Variants in KPNA5 observed in about 807,000 individuals in gnomAD.
The protein encoded by KPNA5 is karyopherin subunit alpha 5, also known as importin subunit alpha-6.
A neutral mutation model predicts 71.3 loss-of-function variants in KPNA5; 46 were observed. The observed-to-expected ratio is 0.65, with a 90% confidence interval of 0.51 to 0.83. The LOEUF (loss-of-function observed/expected upper bound fraction) is 0.83. Among genes scored for constraint, KPNA5 ranks in the 40% least tolerant of loss-of-function variants. The pLI, the probability that KPNA5 is intolerant of heterozygous loss-of-function variation, is 0.00. For missense variants in KPNA5, 547 were observed against 628.3 expected, an observed-to-expected ratio of 0.87 and a Z score of 1.38; for synonymous variants, 207 against 201.4, an observed-to-expected ratio of 1.03 and a Z score of -0.24.
At chr6:116,703,469 G>T (rs927496997) in intron 6 of KPNA5, among the ~76,000 whole-genome samples, 1 of 151,838 alleles carries the variant, frequency 6.6e-6, no homozygotes, top group African/African-American at 2.4e-5. Context: ...CACCATGTTG[G>T]CCAGGCTGGT....
intron 1 of KPNA5, chr6:116,681,594 C>T (rs1466217106): frequency 8.6e-6 from 10 of 1,160,348 alleles, no homozygotes; most frequent in Non-Finnish European, 1.1e-5. Flanking sequence ...GAGTGATGGG[C>T]AGCTGGTCTC....
chr6:116,719,904 C>G (rs1030475785), intron 8 of KPNA5, among the ~76,000 whole-genome samples: 1 of 152,012 alleles, frequency 6.6e-6, no homozygotes, highest in African/African-American at 2.4e-5. Flanking sequence ...TGGGAAAGAG[C>G]TAGAGGTTTT....
At position 116,737,275 on chromosome 6, in the gene KPNA5, T is replaced by G. The variant is rs1779707216; in HGVS notation, c.*4952T>G. On this transcript the variant is annotated 3_prime_UTR_variant, in exon 14 of 14. Transcript: ENST00000368564. ...GGATTTTCACTTTGGCTAGTGGAAC[T>G]TAAACTGTTCCTGATCATTGTGGGC... 6.6e-6 allele frequency: 1 copy of G among 152,022 alleles called. No individual in the cohort carries two copies. The highest frequency in any genetic ancestry group is 1.5e-5 in the Non-Finnish European group (1 of 67,968). 9.4% of individuals were successfully genotyped at this position (152,022 alleles called of 1,614,324 possible). A position where few individuals can be genotyped will look rare whatever the true frequency, so the allele number is the denominator to read the frequency against.
chr6:116,682,314 G>A (rs1224554939), intron 1 of KPNA5, among the ~76,000 whole-genome samples: 2 of 152,074 alleles, frequency 1.3e-5, no homozygotes, highest in Non-Finnish European at 2.9e-5. Flanking sequence ...GCGACAGAGC[G>A]AGACTCTGTC....
At chr6:116,684,155 G>A (rs72959990) in intron 1 of KPNA5, among the ~76,000 whole-genome samples, 28,003 of 151,394 alleles carry the variant, frequency 0.18, 2,754 homozygotes, top group East Asian at 0.29. Context: ...TCAAGCGATC[G>A]ACTCTCCTTG....
At chr6:116,704,952 AC>A (rs1778381501) in intron 6 of KPNA5, 119 bp from the exon 7 acceptor site, 6 of 619,214 alleles carry the variant, frequency 9.7e-6, no homozygotes, top group Non-Finnish European at 1.6e-5. Flanking sequence ...TTTCTTTTCT[AC>A]TGTTTTTTTT....
At position 116,702,034 on chromosome 6, in the gene KPNA5, G is replaced by T. The variant is rs761313546; in HGVS notation, c.451G>T (p.Ala151Ser). Residue 151 changes from alanine (A) to serine (S), a missense_variant, in exon 6 of 14, where the codon GCA (alanine) becomes TCA (serine). By Grantham distance (99) the Ala-to-Ser change is moderately conservative (BLOSUM62 1). Coordinates refer to ENST00000368564, the MANE Select transcript of KPNA5 (RefSeq NM_001366306.2). ...TTCTTCTTAGTTTGAAGCTGCATGGGCATTAACAAATATAGCATCTGGAAC... is the reference window on the plus strand; with the variant it reads ...TTCTTCTTAGTTTGAAGCTGCATGGTCATTAACAAATATAGCATCTGGAAC... ...NCTLQFEAAW[A>S]LTNIASGTFL... The T allele has an allele frequency of 1.2e-6, 2 of 1,611,838 alleles. No homozygotes were observed. The highest frequency in any genetic ancestry group is 1.7e-6 in the Non-Finnish European group (2 of 1,179,290).
chr6:116,693,240 G>T, intron 4 of KPNA5, among the ~76,000 whole-genome samples: 1 of 152,020 alleles, frequency 6.6e-6, no homozygotes, highest in Non-Finnish European at 1.5e-5. Flanking sequence ...TAATCCTTTG[G>T]GTATATACCC....
chr6:116,689,528 G>A, intron 2 of KPNA5, 75 bp downstream of exon 2: 2 of 1,255,016 alleles, frequency 1.6e-6, no homozygotes, highest in South Asian at 3.4e-5. Context: ...ATTTTAAATG[G>A]AAATGTTTTA....
chr6:116,707,150 C>T (rs1255510804), intron 7 of KPNA5, among the ~76,000 whole-genome samples: 1 of 150,268 alleles, frequency 6.7e-6, no homozygotes, highest in Non-Finnish European at 1.5e-5. Flanking sequence ...GGTGACAGAG[C>T]GAGAGACTGT....
At chr6:116,695,724 T>C (rs1203999863) in intron 4 of KPNA5, among the ~76,000 whole-genome samples, 3 of 152,228 alleles carry the variant, frequency 2.0e-5, no homozygotes, top group African/African-American at 4.8e-5. Flanking sequence ...GAATGGCTTC[T>C]TTCTTCCTCA....
At chr6:116,685,883 A>G in intron 1 of KPNA5, among the ~76,000 whole-genome samples, 1 of 152,124 alleles carries the variant, frequency 6.6e-6, no homozygotes, top group East Asian at 1.9e-4. Flanking sequence ...ACAGTGATTG[A>G]ACTAATTTAC....
Position 116,692,350 on chromosome 6 carries a change from C to G in KPNA5, c.298C>G (p.Gln100Glu). 1.9e-6 allele frequency: 3 copies of G among 1,605,294 alleles called. No homozygotes were observed. The highest frequency in any genetic ancestry group is 2.5e-6 in the Non-Finnish European group (3 of 1,177,316). Residue 100 changes from glutamine (Q) to glutamate (E), a missense_variant, in exon 4 of 14, where the codon CAG becomes GAG. Gln to Glu is a conservative substitution (Grantham distance 29). Coordinates refer to ENST00000368564, the MANE Select transcript of KPNA5 (RefSeq NM_001366306.2). ...QMIFSNNADQ[Q>E]LTATQKFRKL... ...GATTTTTTCTAATAATGCTGATCAA[C>G]AGCTAACAGCAACACAGAAATTTAG...
intron 12 of KPNA5, among the ~76,000 whole-genome samples, chr6:116,728,848 A>C (rs1779373734): frequency 6.6e-6 from 1 of 152,062 alleles, no homozygotes; most frequent in Admixed American, 6.6e-5. Flanking sequence ...TATGTTTTTA[A>C]CCTTTGTACT....
rs1238775687 is a variant in KPNA5 at position 116,733,202 on chromosome 6, CT to C, written c.*880del. 6.6e-6 allele frequency: 1 copy of C among 151,636 alleles called. No homozygotes were observed. The highest frequency in any genetic ancestry group is 2.4e-5 in the African/African-American group (1 of 41,376). The allele number at this position is 151,636 out of a possible 1,614,324, so 9.4% of individuals were successfully genotyped here. A position where few individuals can be genotyped will look rare whatever the true frequency, so the allele number is the denominator to read the frequency against. On this transcript the variant is annotated 3_prime_UTR_variant, in exon 14 of 14. Transcript: ENST00000368564. ...TAGTGCTGCATATCTAAAATAATAACTAATTATTTCTCTGATTTTTCAGAGC... is the reference window on the plus strand; with the variant it reads ...TAGTGCTGCATATCTAAAATAATAACAATTATTTCTCTGATTTTTCAGAGC...
chr6:116,709,735 G>T (rs1335781281), intron 7 of KPNA5, among the ~76,000 whole-genome samples: 5 of 151,418 alleles, frequency 3.3e-5, no homozygotes, highest in African/African-American at 1.2e-4. Flanking sequence ...TTTGATAAAT[G>T]CCCTTTATCC....
In KPNA5 at chr6:116,733,082, A is replaced by G. The variant is rs915895757; in HGVS notation, c.*759A>G. The G allele has an allele frequency of 6.6e-6, 1 of 151,842 alleles. No individual in the cohort carries two copies. Among genetic ancestry groups the G allele is most frequent in the Non-Finnish European group, 1.5e-5 (1 of 67,794 alleles). The allele number at this position is 151,842 out of a possible 1,614,324, so 9.4% of individuals were successfully genotyped here. A position where few individuals can be genotyped will look rare whatever the true frequency, so the allele number is the denominator to read the frequency against. ...GTATATTAGTATATTTTGTATTTCA[A>G]CCAAATATGCTACCATTTTTGAAAT... On this transcript the variant is annotated 3_prime_UTR_variant, in exon 14 of 14. Transcript: ENST00000368564.
chr6:116,710,891 A>ATG (rs1472430753), intron 7 of KPNA5, among the ~76,000 whole-genome samples: 1 of 70,116 alleles, frequency 1.4e-5, no homozygotes, highest in Non-Finnish European at 2.4e-5. Flanking sequence ...ATATATATAT[A>ATG]TATTTTTTTT....
chr6:116,681,428 T>C, intron 1 of KPNA5, 90 bp downstream of exon 1: 1 of 1,458,040 alleles, frequency 6.9e-7, no homozygotes, highest in Non-Finnish European at 9.1e-7. Context: ...GGTTTTTATT[T>C]ACCCCTTACT....
Sources: gnomAD v4.1 joint callset for allele counts (sites outside exome capture counted in the v4.1 genomes callset) on GRCh38, gnomAD v4.1.1 for gene constraint, MANE v1.5 for transcripts, NCBI Gene and HGNC (gene_info 2026-07-23, HGNC 2026-07-21) for gene names.